Variants in CNRIP1 observed in about 807,000 individuals in gnomAD.
CNRIP1 encodes CB1 cannabinoid receptor-interacting protein 1.
A neutral mutation model predicts 15.2 loss-of-function variants in CNRIP1; 10 were observed. That is an observed-to-expected ratio of 0.66 (90% CI 0.41 to 1.12). CNRIP1 has a LOEUF of 1.12. Ranked by LOEUF, CNRIP1 falls within the 50% of genes most tolerant of loss-of-function variation. CNRIP1 has a pLI of 0.00. For missense variants in CNRIP1, 211 were observed against 214.7 expected (o/e 0.98, Z 0.11); for synonymous variants, 91 against 83.2 (o/e 1.09, Z -0.51).
At chr2:68,301,877 G>C (rs918364697) in intron 2 of CNRIP1, among the ~76,000 whole-genome samples, 25 of 126,000 alleles carry the variant, frequency 2.0e-4, no homozygotes, top group African/African-American at 6.4e-4. Context: ...CTGGGCGACA[G>C]AGCGAGTCTC....
chr2:68,312,811 C>T (rs1672141595), intron 2 of CNRIP1, among the ~76,000 whole-genome samples: 1 of 151,968 alleles, frequency 6.6e-6, no homozygotes, highest in South Asian at 2.1e-4. Flanking sequence ...GCAAAGATTC[C>T]ATTTACATTA....
intron 2 of CNRIP1, among the ~76,000 whole-genome samples, chr2:68,305,274 ATGTGTGTG>A (rs10601379): frequency 0.14 from 17,281 of 120,448 alleles, 1,575 homozygotes; most frequent in Middle Eastern, 0.18. Context: ...ATATATATAT[ATGTGTGTG>A]TGTGTGTGTG....
At chr2:68,296,564 A>ATGTGTTGTGTG (rs1553414295) in intron 2 of CNRIP1, among the ~76,000 whole-genome samples, 3 of 151,016 alleles carry the variant, frequency 2.0e-5, no homozygotes, top group Non-Finnish European at 4.4e-5. Context: ...ATATATGTGT[A>ATGTGTTGTGTG]TGTGTGTGTG....
chr2:68,284,401 C>A, exon 3 of CNRIP1: 1 of 1,409,632 alleles, frequency 7.1e-7, no homozygotes. Context: ...ATTTGTTCCT[C>A]ATGATGGCAC....
Position 68,293,085 on chromosome 2 carries a change from AAGAAG to A in CNRIP1, c.*772_*776del, listed in dbSNP as rs1438663907. 4 of 984,964 alleles carry A rather than the reference AAGAAG, an allele frequency of 4.1e-6. No homozygotes were observed. In the African/African-American group the frequency reaches 7.0e-5, roughly 17 times the overall value. 61.0% of individuals were successfully genotyped at this position (984,964 alleles called of 1,614,324 possible). On this transcript the variant is annotated 3_prime_UTR_variant, in exon 3 of 3. Transcript: ENST00000263655. ...TATGCAGTTTTACAAAGTTCAAGTGAAGAAGACTGTAGGGATGCCATCAATGTGCG... is the reference window on the plus strand; with the variant it reads ...TATGCAGTTTTACAAAGTTCAAGTGAACTGTAGGGATGCCATCAATGTGCG...
At chr2:68,310,965 G>A (rs1392886561) in intron 2 of CNRIP1, among the ~76,000 whole-genome samples, 2 of 151,898 alleles carry the variant, frequency 1.3e-5, no homozygotes, top group Admixed American at 6.6e-5. Context: ...GTGAACTTAA[G>A]GATACATCAG....
At chr2:68,312,110 C>T (rs1240353835) in intron 2 of CNRIP1, among the ~76,000 whole-genome samples, 1 of 151,842 alleles carries the variant, frequency 6.6e-6, no homozygotes, top group Non-Finnish European at 1.5e-5. Context: ...GAACACTTTC[C>T]GAATCATTTT....
Position 68,293,918 on chromosome 2 carries a change from A to G in CNRIP1, c.439T>C (p.Cys147Arg), listed in dbSNP as rs1280618709. The change falls in exon 3 of 3, where the codon TGC (cysteine) becomes CGC (arginine). Residue 147 changes from cysteine (C) to arginine (R), a missense_variant. By Grantham distance (180) the Cys-to-Arg change is radical. Coordinates refer to ENST00000263655, the MANE Select transcript of CNRIP1 (RefSeq NM_015463.3). ...GSPFSVIEYE[C>R]KPNETRSLMW... is the part of the protein sequence containing the mutation. ...AGACTGCGTGTCTCGTTGGGCTTGCATTCATACTCAATGACAGAGAAGGGG... is the reference window on the plus strand; with the variant it reads ...AGACTGCGTGTCTCGTTGGGCTTGCGTTCATACTCAATGACAGAGAAGGGG... 1 of 1,613,994 alleles carries G rather than the reference A, an allele frequency of 6.2e-7. No homozygotes were observed. Among genetic ancestry groups the G allele is most frequent in the East Asian group, 2.2e-5 (1 of 44,892 alleles).
At chr2:68,289,521 C>T (rs892597806), downstream of CNRIP1, among the ~76,000 whole-genome samples, 3 of 151,850 alleles carry the variant, frequency 2.0e-5, no homozygotes, top group Admixed American at 1.3e-4. Flanking sequence ...TGCTGTGTCA[C>T]CCAGGCTGGA....
chr2:68,304,139 A>G (rs528651829), intron 2 of CNRIP1, among the ~76,000 whole-genome samples: 1 of 152,134 alleles, frequency 6.6e-6, no homozygotes, highest in South Asian at 2.1e-4. Context: ...CTGTAATCCC[A>G]GCACTTTGGG....
At chr2:68,299,586 G>A (rs758050240) in intron 2 of CNRIP1, among the ~76,000 whole-genome samples, 1 of 152,208 alleles carries the variant, frequency 6.6e-6, no homozygotes, top group African/African-American at 2.4e-5. Flanking sequence ...CTGAGAAATA[G>A]ATGTTTGTTG....
exon 3 of CNRIP1, chr2:68,284,189 A>G (rs1025621526): frequency 3.2e-6 from 1 of 314,816 alleles, no homozygotes; most frequent in Non-Finnish European, 5.8e-6. Context: ...TCCAAACTTT[A>G]ATATGATAAG....
intron 2 of CNRIP1, among the ~76,000 whole-genome samples, chr2:68,303,064 G>C (rs537752148): frequency 1.1e-4 from 17 of 151,240 alleles, no homozygotes; most frequent in Non-Finnish European, 1.8e-4. Flanking sequence ...AGCCAGGATG[G>C]TCTCGATCTC....
chr2:68,319,391 G>T lies in CNRIP1; in HGVS notation c.10C>A (p.Leu4Met). The change falls in exon 1 of 3, where the codon CTG becomes ATG. Residue 4 changes from leucine (L) to methionine (M), a missense_variant. Transcript: ENST00000263655. Reference sequence around the variant, plus strand: ...ATGGAGAGGCGCACGAGGCCCGGCAGGTCCCCCATGTCTGGGCGAGGGTCT... The same window carrying T: ...ATGGAGAGGCGCACGAGGCCCGGCATGTCCCCCATGTCTGGGCGAGGGTCT... MGD[L>M]PGLVRLSIAL... 6.4e-7 allele frequency: 1 copy of T among 1,574,566 alleles called. No homozygotes were observed. The highest frequency in any genetic ancestry group is 1.1e-5 in the South Asian group (1 of 87,418).
At chr2:68,303,101 C>CT (rs1421146556) in intron 2 of CNRIP1, among the ~76,000 whole-genome samples, 6 of 143,032 alleles carry the variant, frequency 4.2e-5, no homozygotes, top group Non-Finnish European at 4.6e-5. Context: ...CCCGCCTTGG[C>CT]CCCCAAAGTG....
At chr2:68,307,749 T>G (rs138739490) in intron 2 of CNRIP1, among the ~76,000 whole-genome samples, 1 of 152,318 alleles carries the variant, frequency 6.6e-6, no homozygotes, top group East Asian at 1.9e-4. Context: ...ATAAATAATT[T>G]TGTATATATG....
At chr2:68,313,113 C>T (rs1395930282) in intron 2 of CNRIP1, among the ~76,000 whole-genome samples, 1 of 152,078 alleles carries the variant, frequency 6.6e-6, no homozygotes, top group Non-Finnish European at 1.5e-5. Context: ...AAGATTTATG[C>T]TACCTGTTTT....
intron 2 of CNRIP1, among the ~76,000 whole-genome samples, chr2:68,305,721 G>A (rs1178082195): frequency 3.3e-5 from 5 of 151,276 alleles, no homozygotes; most frequent in African/African-American, 4.9e-5. Flanking sequence ...GCATGAACCC[G>A]GGAGGCGGAG....
intron 2 of CNRIP1, among the ~76,000 whole-genome samples, chr2:68,313,100 TAGA>T (rs1672149727): frequency 6.6e-6 from 1 of 152,090 alleles, no homozygotes; most frequent in Non-Finnish European, 1.5e-5. Context: ...TAAACAAAGC[TAGA>T]AGATTTATGC....
Sources: allele counts gnomAD v4.1 joint callset (sites outside exome capture counted in the v4.1 genomes callset), GRCh38; gene constraint gnomAD v4.1.1; transcripts MANE v1.5; gene names NCBI Gene and HGNC (gene_info 2026-07-23, HGNC 2026-07-21).